YARS1: variants seen among roughly 807,000 people sequenced by gnomAD.
The protein encoded by YARS1 is tyrosyl-tRNA synthetase 1, also known as tyrosine--tRNA ligase, cytoplasmic.
Under a neutral mutation model 62.2 loss-of-function variants are expected in YARS1, and 36 were observed. That is an observed-to-expected ratio of 0.58 (90% CI 0.44 to 0.76). The LOEUF (loss-of-function observed/expected upper bound fraction) is 0.76. YARS1 is among the 30% of genes least tolerant of loss of function. The probability of loss-of-function intolerance (pLI) is 0.00; values close to 1 mark genes in which losing one functional copy is unlikely to be tolerated. For missense variants in YARS1, 524 were observed against 639.8 expected, an observed-to-expected ratio of 0.82 and a Z score of 1.95; for synonymous variants, 234 against 244.9, an observed-to-expected ratio of 0.96 and a Z score of 0.42.
intron 9 of YARS1, chr1:32,781,980 A>ATT (rs772679724): frequency 7.2e-4 from 104 of 144,274 alleles, no homozygotes; most frequent in South Asian, 1.7e-3. Context: ...TGCCTGGCTA[A>ATT]TTTTTTTTTT....
In YARS1 at chr1:32,775,649, CA is replaced by C; in HGVS notation, c.*331del. ...GATAACTCCAAGAAAACCTGGGCAC[CA>C]GTATTTTTCCAATTATAAGGACTGT... On this transcript the variant is annotated 3_prime_UTR_variant, in exon 13 of 13. Coordinates refer to ENST00000373477, the MANE Select transcript of YARS1 (RefSeq NM_003680.4). The C allele has an allele frequency of 3.3e-6, 1 of 306,820 alleles. No individual in the cohort carries two copies. Among genetic ancestry groups the C allele is most frequent in the Non-Finnish European group, 6.2e-6 (1 of 161,720 alleles). 19.0% of individuals were successfully genotyped at this position (306,820 alleles called of 1,614,324 possible).
intron 11 of YARS1, chr1:32,779,874 TTTCTATTTTA>T: frequency 1.5e-6 from 1 of 657,532 alleles, no homozygotes; most frequent in South Asian, 1.8e-5. Flanking sequence ...GAGCCCTCCA[TTTCTATTTTA>T]ACAAAATTAA....
At chr1:32,790,766 G>C (rs916286563) in intron 6 of YARS1, 2 of 212,754 alleles carry the variant, frequency 9.4e-6, no homozygotes, top group Non-Finnish European at 9.6e-6. Flanking sequence ...TTTCCCTCAA[G>C]TACACGAGCT....
At chr1:32,779,779 G>C (rs1652992356) in intron 11 of YARS1, 1 of 616,516 alleles carries the variant, frequency 1.6e-6, no homozygotes, top group African/African-American at 1.8e-5. Context: ...AAATAACGTA[G>C]CGAGGACTTT....
chr1:32,812,542 T>C (rs1007725695), intron 1 of YARS1, among the ~76,000 whole-genome samples: 1 of 152,224 alleles, frequency 6.6e-6, no homozygotes, highest in Non-Finnish European at 1.5e-5. Context: ...GGGGGGAAAT[T>C]TGCATTCTGT....
At chr1:32,811,129 A>T in intron 1 of YARS1, 72 bp from the exon 2 acceptor site, 1 of 1,606,426 alleles carries the variant, frequency 6.2e-7, no homozygotes. Flanking sequence ...TGTGACAAGG[A>T]AAACAACAGC....
intron 12 of YARS1, among the ~76,000 whole-genome samples, chr1:32,778,399 ATTTC>A (rs1340741984): frequency 5.7e-5 from 8 of 140,014 alleles, no homozygotes; most frequent in East Asian, 2.3e-4. Flanking sequence ...TGGCCTCATC[ATTTC>A]TTTCTTTCTT....
At position 32,817,286 on chromosome 1, in the gene YARS1, A is replaced by G. The variant is rs1269420109; in HGVS notation, c.-42T>C. ...CTTCCCCCGCTCAGCCCGGCACCAG[A>G]GCCCCTTCCTGGGTCACCGTCGCCG... On this transcript the variant is annotated 5_prime_UTR_variant, in exon 1 of 13. Coordinates refer to ENST00000373477, the MANE Select transcript of YARS1 (RefSeq NM_003680.4). 2.5e-6 allele frequency: 4 copies of G among 1,612,006 alleles called. No individual in the cohort carries two copies. The highest frequency in any genetic ancestry group is 3.4e-6 in the Non-Finnish European group (4 of 1,179,106).
Position 32,775,560 on chromosome 1 carries a change from T to C in YARS1, c.*421A>G, listed in dbSNP as rs1429393583. The C allele has an allele frequency of 5.5e-6, 1 of 182,024 alleles. No homozygotes were observed. Among genetic ancestry groups the C allele is most frequent in the East Asian group, 1.4e-4 (1 of 7,194 alleles). 11.3% of individuals were successfully genotyped at this position (182,024 alleles called of 1,614,324 possible). A position where few individuals can be genotyped will look rare whatever the true frequency, so the allele number is the denominator to read the frequency against. On this transcript the variant is annotated 3_prime_UTR_variant, in exon 13 of 13. Transcript: ENST00000373477. The stretch of plus-strand genomic sequence containing the variant: ...CCTTTTCAAATCCCACAGTTTCCTG[T>C]TGGGGAGAAGCTGTAATTAGCCTAG...
chr1:32,785,509 C>G (rs961128464), intron 8 of YARS1, among the ~76,000 whole-genome samples: 7 of 151,838 alleles, frequency 4.6e-5, no homozygotes, highest in African/African-American at 1.7e-4. Context: ...CATATAACTA[C>G]AAACCTAGCG....
chr1:32,788,008 G>C (rs1170389770), intron 6 of YARS1, among the ~76,000 whole-genome samples: 1 of 152,158 alleles, frequency 6.6e-6, no homozygotes, highest in Non-Finnish European at 1.5e-5. Flanking sequence ...TACTCAGGAG[G>C]CTGAGGCAGG....
At chr1:32,781,188 G>A in intron 9 of YARS1, 43 bp from the exon 10 acceptor site, 1 of 1,528,826 alleles carries the variant, frequency 6.5e-7, no homozygotes, top group Non-Finnish European at 9.1e-7. Context: ...TCTTCCCTGT[G>A]GCAGGTCAGC....
chr1:32,779,890 A>G, intron 11 of YARS1, 195 bp downstream of exon 11: 1 of 681,338 alleles, frequency 1.5e-6, no homozygotes, highest in South Asian at 1.8e-5. Flanking sequence ...TTTTAACAAA[A>G]TTAACTGTAG....
At chr1:32,805,207 G>A (rs1472756665) in intron 4 of YARS1, among the ~76,000 whole-genome samples, 6 of 134,882 alleles carry the variant, frequency 4.4e-5, no homozygotes, top group Non-Finnish European at 8.1e-5. Flanking sequence ...CGGCATCAGA[G>A]GGAGACGGTG....
At chr1:32,779,353 C>T (rs750808567) in intron 12 of YARS1, 29 bp downstream of exon 12, 26 of 1,614,036 alleles carry the variant, frequency 1.6e-5, no homozygotes, top group Non-Finnish European at 5.1e-6. Flanking sequence ...GCAGCCCAGC[C>T]AAGAAAGGGA....
At chr1:32,802,995 T>C (rs1638341068) in intron 4 of YARS1, among the ~76,000 whole-genome samples, 1 of 150,106 alleles carries the variant, frequency 6.7e-6, no homozygotes, top group African/African-American at 2.5e-5. Flanking sequence ...TTTTTTTTTT[T>C]TTTTTGAGAC....
Position 32,780,253 on chromosome 1 carries a change from A to G in YARS1, c.1166T>C (p.Val389Ala). 6.2e-7 allele frequency: 1 copy of G among 1,614,104 alleles called. No individual in the cohort carries two copies. ...EKHPDADSLY[V>A]EKIDVGEAEP... is the part of the protein sequence containing the mutation. Reference sequence around the variant, plus strand: ...AGCTTCCCCCACGTCAATCTTCTCTACATACAGGCTGTCTGCATCTGGGTG... The same window carrying G: ...AGCTTCCCCCACGTCAATCTTCTCTGCATACAGGCTGTCTGCATCTGGGTG... Residue 389 changes from valine (V) to alanine (A), a missense_variant, in exon 11 of 13, where the codon GTA (valine) becomes GCA (alanine). Physicochemically the swap from Val to Ala is moderately conservative, Grantham distance 64. Transcript: ENST00000373477.
intron 1 of YARS1, among the ~76,000 whole-genome samples, chr1:32,812,532 G>A (rs888910938): frequency 1.3e-5 from 2 of 152,142 alleles, no homozygotes; most frequent in African/African-American, 4.8e-5. Context: ...ACTCTCTTGT[G>A]GGGGGAAATT....
chr1:32,812,544 G>C (rs1240968852), intron 1 of YARS1, among the ~76,000 whole-genome samples: 1 of 152,178 alleles, frequency 6.6e-6, no homozygotes, highest in Non-Finnish European at 1.5e-5. Flanking sequence ...GGGGAAATTT[G>C]CATTCTGTAG....
Sources: allele counts gnomAD v4.1 joint callset (sites outside exome capture counted in the v4.1 genomes callset), GRCh38; gene constraint gnomAD v4.1.1; transcripts MANE v1.5; gene names NCBI Gene and HGNC (gene_info 2026-07-23, HGNC 2026-07-21).